SUSD4: variants seen among roughly 807,000 people sequenced by gnomAD.
The protein encoded by SUSD4 is sushi domain-containing protein 4.
Under a neutral mutation model 50.5 loss-of-function variants are expected in SUSD4, and 41 were observed. That is an observed-to-expected ratio of 0.81 (90% CI 0.63 to 1.05). SUSD4 has a LOEUF of 1.05. Ranked by LOEUF, SUSD4 falls within the 50% of genes least tolerant of loss-of-function variation. The pLI is 0.00. For missense variants in SUSD4, 580 were observed against 634.7 expected (o/e 0.91, Z 0.93); for synonymous variants, 257 against 257.3 (o/e 1.00, Z 0.01).
chr1:223,227,620 G>T lies in SUSD4; in HGVS notation c.1035C>A (p.Thr345=). Residue 345 remains threonine, a synonymous_variant, in exon 7 of 9, where the codon ACC becomes ACA. Transcript: ENST00000366878. This position sits in a 1 kb window ranked among gnomAD's most constrained non-coding sequence, Gnocchi z 4.5. ...LLVILARMFQ[T]KFKAHFPPRG... The stretch of plus-strand genomic sequence containing the variant: ...TGGGGGGAAAGTGGGCCTTGAACTT[G>T]GTCTGGAACATCCTGGCCAGGATGA... 1.2e-6 allele frequency: 2 copies of T among 1,613,908 alleles called. No individual in the cohort carries two copies. The highest frequency in any genetic ancestry group is 1.7e-6 in the Non-Finnish European group (2 of 1,179,960).
chr1:223,346,912 A>C (rs1668063881), intron 2 of SUSD4, among the ~76,000 whole-genome samples: 1 of 152,120 alleles, frequency 6.6e-6, no homozygotes, highest in Admixed American at 6.5e-5. Context: ...TGCTTGCCCC[A>C]GCAAGGCCCA....
intron 2 of SUSD4, among the ~76,000 whole-genome samples, chr1:223,320,654 T>G (rs1238754755): frequency 2.6e-5 from 4 of 152,180 alleles, no homozygotes; most frequent in Non-Finnish European, 4.4e-5. Flanking sequence ...AAGGAAGCTG[T>G]GGGATCCAGT....
chr1:223,334,344 A>G (rs934615761), intron 2 of SUSD4, among the ~76,000 whole-genome samples: 6 of 152,084 alleles, frequency 3.9e-5, no homozygotes, highest in African/African-American at 1.4e-4. Context: ...CTGGAGAGAA[A>G]AGATAAGAAC....
chr1:223,281,147 A>C lies in SUSD4; in HGVS notation c.361+11292T>G, dbSNP rs1571962000. ...ACAAAAGAAAGCAGGAAAGATCTAA[A>C]ATAGACTCCCTAACATCACAATTAA... On this transcript the variant is annotated intron_variant, in intron 3 of 8. Transcript: ENST00000366878. Among the ~76,000 whole-genome samples, 4 of 152,362 alleles carry C rather than the reference A, an allele frequency of 2.6e-5. No homozygotes were observed. In the South Asian group the frequency reaches 6.2e-4, roughly 24 times the overall value.
chr1:223,331,018 C>T (rs747345860), intron 2 of SUSD4, among the ~76,000 whole-genome samples: 1 of 152,208 alleles, frequency 6.6e-6, no homozygotes, highest in Non-Finnish European at 1.5e-5. Flanking sequence ...TCCCCGCCCC[C>T]TCCCATTGTC....
rs1480135211 is a variant in SUSD4, at chr1:223,229,697, A to C, written c.725-309T>G. 6.6e-6 allele frequency among the ~76,000 whole-genome samples: 1 copy of C among 152,252 alleles called. No homozygotes were observed. The highest frequency in any genetic ancestry group is 1.5e-5 in the Non-Finnish European group (1 of 68,046). Reference sequence around the variant, plus strand: ...TAGAGAGTATTAAGCTACTGTATTAATAATGCATGCTATTATGTGCCAGAC... The same window carrying C: ...TAGAGAGTATTAAGCTACTGTATTACTAATGCATGCTATTATGTGCCAGAC... On this transcript the variant is annotated intron_variant, in intron 5 of 8. Transcript: ENST00000366878. This position sits in a 1 kb window ranked among gnomAD's most constrained non-coding sequence, Gnocchi z 4.7.
Position 223,233,976 on chromosome 1 carries a change from G to T in SUSD4, c.725-4588C>A, listed in dbSNP as rs185725761. On this transcript the variant is annotated intron_variant, in intron 5 of 8. Coordinates refer to ENST00000366878, the MANE Select transcript of SUSD4 (RefSeq NM_017982.4). The stretch of plus-strand genomic sequence containing the variant: ...AGAAACGGATGATTCCTGTCCCCGA[G>T]GTGTGAAGTCTCTGTTCCTTGTTTC... Among the ~76,000 whole-genome samples the T allele has an allele frequency of 2.6e-4, 39 of 152,312 alleles. No homozygotes were observed. The East Asian group carries it at 7.5e-3, about 29-fold the overall frequency.
intron 2 of SUSD4, among the ~76,000 whole-genome samples, chr1:223,313,144 G>A (rs1665973520): frequency 6.6e-6 from 1 of 152,184 alleles, no homozygotes; most frequent in African/African-American, 2.4e-5. Context: ...CTAAAGAGGT[G>A]ACTCAGGATG....
chr1:223,247,101 C>T (rs572584962), intron 5 of SUSD4, among the ~76,000 whole-genome samples: 8 of 152,160 alleles, frequency 5.3e-5, no homozygotes, highest in East Asian at 3.8e-4. Flanking sequence ...TACAGCCCCC[C>T]GGGTGTTCTT....
At chr1:223,279,602 C>T (rs1446718287) in intron 3 of SUSD4, among the ~76,000 whole-genome samples, 1 of 152,232 alleles carries the variant, frequency 6.6e-6, no homozygotes, top group Admixed American at 6.5e-5. Context: ...AAGACCAAAT[C>T]TACATCTGAT....
chr1:223,316,099 G>C (rs1322094956), intron 2 of SUSD4, among the ~76,000 whole-genome samples: 1 of 152,162 alleles, frequency 6.6e-6, no homozygotes, highest in African/African-American at 2.4e-5. Context: ...AGGGCACCAA[G>C]GTGATCAAGG....
intron 5 of SUSD4, among the ~76,000 whole-genome samples, chr1:223,242,904 C>A (rs543080966): frequency 2.6e-5 from 4 of 152,174 alleles, no homozygotes; most frequent in Non-Finnish European, 5.9e-5. Context: ...TGCCAGTTGT[C>A]TGAGTCCCCA....
In SUSD4 at chr1:223,322,204, GT is replaced by G. The variant is rs527510013; in HGVS notation, c.149-29554del. The stretch of plus-strand genomic sequence containing the variant: ...ACGAAAATATCTGTGACTCCTACAG[GT>G]GACAGAGTCACAGGTACTGCTCAGC... On this transcript the variant is annotated intron_variant, in intron 2 of 8. Transcript: ENST00000366878. Among the ~76,000 whole-genome samples the G allele has an allele frequency of 1.5e-3, 222 of 152,318 alleles. 2 individuals carry two copies. The highest frequency in any genetic ancestry group is 4.9e-3 in the African/African-American group (204 of 41,564).
rs779013116 is a variant in SUSD4 at position 223,223,404 on chromosome 1, C to G, written c.1289G>C (p.Cys430Ser). The G allele has an allele frequency of 1.2e-6, 2 of 1,613,914 alleles. No homozygotes were observed. The highest frequency in any genetic ancestry group is 4.5e-5 in the East Asian group (2 of 44,874). ...CTCAGAAGAGCCTGAGACGCTGTCA[C>G]AGGTTTCTGACTCCCCTGGGCCTGT... ...TDTGPGESET[C>S]DSVSGSSELL... The change falls in exon 8 of 9, where the codon TGT becomes TCT. Residue 430 changes from cysteine to serine, a missense_variant. By Grantham distance (112) the Cys-to-Ser change is moderately radical. Transcript: ENST00000366878.
intron 3 of SUSD4, among the ~76,000 whole-genome samples, chr1:223,278,813 C>T (rs935330778): frequency 2.0e-5 from 3 of 152,138 alleles, no homozygotes; most frequent in Admixed American, 6.5e-5. Flanking sequence ...GGGAGGCACC[C>T]CCCGAGTAGG....
Position 223,316,367 on chromosome 1 carries a change from C to T in SUSD4, c.149-23716G>A, listed in dbSNP as rs1666189651. Among the ~76,000 whole-genome samples, 3 of 152,090 alleles carry T rather than the reference C, an allele frequency of 2.0e-5. 1 individual carries two copies. Among genetic ancestry groups the T allele is most frequent in the African/African-American group, 2.4e-5 (1 of 41,410 alleles). On this transcript the variant is annotated intron_variant, in intron 2 of 8. Transcript: ENST00000366878. ...CCGAAATAATACTGCCTTGCTGCAT[C>T]CCATGGCTTACAGGGTTATCGCTAG...
chr1:223,286,893 T>A (rs958242073), intron 3 of SUSD4, among the ~76,000 whole-genome samples: 3 of 152,104 alleles, frequency 2.0e-5, no homozygotes, highest in African/African-American at 7.2e-5. Context: ...GTTAGGTGAA[T>A]CTCATGAAGA....
In SUSD4 at chr1:223,240,033, C is replaced by T. The variant is rs944917179; in HGVS notation, c.725-10645G>A. On this transcript the variant is annotated intron_variant, in intron 5 of 8. Transcript: ENST00000366878. ...TCTTCCTTTCTCCTTCGCTTCTGAA[C>T]GTTAATTTTTGTGGGGTACAGAATT... Among the ~76,000 whole-genome samples the T allele has an allele frequency of 3.4e-4, 52 of 151,800 alleles. 1 individual carries two copies. The highest frequency in any genetic ancestry group is 5.1e-4 in the African/African-American group (21 of 41,302).
chr1:223,243,109 G>T (rs1660695371), intron 5 of SUSD4, among the ~76,000 whole-genome samples: 1 of 152,046 alleles, frequency 6.6e-6, no homozygotes, highest in African/African-American at 2.4e-5. Flanking sequence ...GCCACAGGGA[G>T]CCCTGTGGCT....
Sources: gnomAD v4.1 joint callset for allele counts (sites outside exome capture counted in the v4.1 genomes callset) on GRCh38, gnomAD v4.1.1 for gene constraint, Gnocchi (gnomAD v3.1) non-coding constraint, MANE v1.5 for transcripts, NCBI Gene and HGNC (gene_info 2026-07-23, HGNC 2026-07-21) for gene names.